Variants in TMEM181 observed in about 807,000 individuals in gnomAD.
The protein encoded by TMEM181 is G protein-coupled receptor 178.
A neutral mutation model predicts 71.9 loss-of-function variants in TMEM181; 39 were observed. That is an observed-to-expected ratio of 0.54 (90% CI 0.42 to 0.71). The LOEUF (loss-of-function observed/expected upper bound fraction) is 0.71, where lower values mean the gene tolerates loss of function less well. Among genes scored for constraint, TMEM181 ranks in the 30% least tolerant of loss-of-function variants. The pLI is 0.00. For synonymous variants in TMEM181, 245 were observed against 228.8 expected, an observed-to-expected ratio of 1.07 and a Z score of -0.64; for missense variants, 595 against 583.0, an observed-to-expected ratio of 1.02 and a Z score of -0.21.
chr6:158,627,077 A>ACACCCT (rs71030183), intron 13 of TMEM181, among the ~76,000 whole-genome samples: 10 of 143,340 alleles, frequency 7.0e-5, no homozygotes, highest in Admixed American at 7.0e-4. Flanking sequence ...CTTCACTGAC[A>ACACCCT]CACCCTCACC....
rs145958273 is a variant in TMEM181, at chr6:158,561,191, A to T, written c.8+959A>T. Among the ~76,000 whole-genome samples, 10 of 152,362 alleles carry T rather than the reference A, an allele frequency of 6.6e-5. No individual in the cohort carries two copies. In the East Asian group the frequency reaches 1.9e-3, roughly 29 times the overall value. The stretch of plus-strand genomic sequence containing the variant: ...TTTCTCTGGCTGTGGACGTGGTCAG[A>T]GAAGTGACACCCAGGCCTGTTGCCT... On this transcript the variant is annotated intron_variant, in intron 1 of 16. Transcript: ENST00000684151.
In TMEM181 at chr6:158,571,375, CGTG is replaced by C. The variant is rs1562627093; in HGVS notation, c.9-2044_9-2042del. Among the ~76,000 whole-genome samples the C allele has an allele frequency of 5.0e-4, 66 of 131,074 alleles. 8 individuals are homozygous for C. The highest frequency in any genetic ancestry group is 4.0e-3 in the Middle Eastern group (1 of 250). The allele number at this position is 131,074 out of a possible 152,430, so 86.0% of individuals were successfully genotyped here. On this transcript the variant is annotated intron_variant, in intron 1 of 16. Transcript: ENST00000684151. ...CCTCCCAAAGTGCTGGGATTATAGG[CGTG>C]ATCTGCCCGCCTTGGCCTTGTGATC...
chr6:158,602,899 A>G (rs1215523185), intron 6 of TMEM181, among the ~76,000 whole-genome samples: 2 of 152,116 alleles, frequency 1.3e-5, no homozygotes, highest in African/African-American at 4.8e-5. Context: ...CATACTTTGA[A>G]AATGTTGGTC....
Position 158,580,812 on chromosome 6 carries a change from C to T in TMEM181, c.113-128C>T. ...CTTCTACTTACACATTGTATAATCTCTAAAGAAAAACCAGGTGAATTAAGG... is the reference window on the plus strand; with the variant it reads ...CTTCTACTTACACATTGTATAATCTTTAAAGAAAAACCAGGTGAATTAAGG... On this transcript the variant is annotated intron_variant, in intron 2 of 16. Transcript: ENST00000684151. The T allele has an allele frequency of 5.3e-6, 4 of 757,044 alleles. No individual in the cohort carries two copies. In the East Asian group the frequency reaches 1.0e-4, roughly 19 times the overall value. The allele number at this position is 757,044 out of a possible 1,614,324, so 46.9% of individuals were successfully genotyped here.
intron 1 of TMEM181, among the ~76,000 whole-genome samples, chr6:158,570,288 A>G (rs959568767): frequency 6.8e-6 from 1 of 146,366 alleles, no homozygotes; most frequent in African/African-American, 2.6e-5. Context: ...GCTGGGGTGC[A>G]GTGGTGCAAT....
intron 1 of TMEM181, among the ~76,000 whole-genome samples, chr6:158,543,512 A>G (rs1781424645): frequency 6.6e-6 from 1 of 152,250 alleles, no homozygotes; most frequent in Non-Finnish European, 1.5e-5. Flanking sequence ...TTCTAAGGCC[A>G]GAAGTCCGAA....
chr6:158,539,221 C>G (rs1781249081), intron 1 of TMEM181, among the ~76,000 whole-genome samples: 1 of 152,186 alleles, frequency 6.6e-6, no homozygotes, highest in Non-Finnish European at 1.5e-5. Context: ...CTGCAGAGTA[C>G]TTTACAATAT....
intron 5 of TMEM181, among the ~76,000 whole-genome samples, chr6:158,586,968 T>C (rs1057451409): frequency 2.0e-5 from 3 of 151,884 alleles, no homozygotes; most frequent in Non-Finnish European, 4.4e-5. Context: ...CAGGTGTGAG[T>C]GTCAGACAGG....
At chr6:158,616,793 A>G (rs1785641152) in intron 10 of TMEM181, among the ~76,000 whole-genome samples, 1 of 152,142 alleles carries the variant, frequency 6.6e-6, no homozygotes, top group Non-Finnish European at 1.5e-5. Context: ...ACATTTATAG[A>G]TTTGTATATG....
chr6:158,607,329 T>G lies in TMEM181; in HGVS notation c.659T>G (p.Leu220Arg). 1 of 1,614,172 alleles carries G rather than the reference T, an allele frequency of 6.2e-7. No homozygotes were observed. The highest frequency in any genetic ancestry group is 2.2e-5 in the East Asian group (1 of 44,884). The change falls in exon 8 of 17, where the codon CTG (leucine) becomes CGG (arginine). Residue 220 changes from leucine (L) to arginine (R), a missense_variant. Coordinates refer to ENST00000684151, the MANE Select transcript of TMEM181 (RefSeq NM_001376852.1). ...TGGATGTCTGTTCTCCTGCCTCTGC[T>G]GCTACTTTACAATGGTGGGTAGTTC... ...QKWMSVLLPL[L>R]LLYNDPFFPL...
At chr6:158,614,968 A>G (rs894284045) in intron 10 of TMEM181, among the ~76,000 whole-genome samples, 13 of 152,216 alleles carry the variant, frequency 8.5e-5, no homozygotes, top group African/African-American at 2.7e-4. Flanking sequence ...GTGTCTTTAT[A>G]GTAGCATGAT....
At chr6:158,572,518 T>G (rs898859185) in intron 1 of TMEM181, 2 of 455,912 alleles carry the variant, frequency 4.4e-6, no homozygotes, top group Admixed American at 4.7e-5. Flanking sequence ...GCCACACCCC[T>G]TTTGTCGATG....
At chr6:158,573,989 C>G (rs1440797041) in intron 2 of TMEM181, among the ~76,000 whole-genome samples, 1 of 151,968 alleles carries the variant, frequency 6.6e-6, no homozygotes, top group African/African-American at 2.4e-5. Flanking sequence ...TAGGCCAATC[C>G]CCTTTCTCAT....
intron 7 of TMEM181, among the ~76,000 whole-genome samples, chr6:158,606,621 A>G (rs573401492): frequency 1.1e-4 from 16 of 152,264 alleles, no homozygotes; most frequent in Non-Finnish European, 1.6e-4. Context: ...TGGCCTAAAA[A>G]TTATGTTATA....
intron 6 of TMEM181, among the ~76,000 whole-genome samples, chr6:158,604,797 C>T (rs1028373623): frequency 1.4e-4 from 21 of 151,944 alleles, no homozygotes; most frequent in Admixed American, 8.5e-4. Context: ...ATATAAGATC[C>T]GAATGCTTTT....
chr6:158,571,354 C>T (rs762776271), intron 1 of TMEM181, among the ~76,000 whole-genome samples: 2 of 145,794 alleles, frequency 1.4e-5, no homozygotes, highest in Non-Finnish European at 3.0e-5. Context: ...CCTTGGCCTC[C>T]CAAAGTGCTG....
intron 10 of TMEM181, among the ~76,000 whole-genome samples, chr6:158,609,238 C>CA (rs917231535): frequency 1.6e-4 from 25 of 152,284 alleles, no homozygotes; most frequent in African/African-American, 5.8e-4. Flanking sequence ...CCCAGACCCC[C>CA]ATTAACTATC....
chr6:158,618,290 A>G (rs905025534), intron 10 of TMEM181, among the ~76,000 whole-genome samples: 3 of 150,024 alleles, frequency 2.0e-5, no homozygotes, highest in Admixed American at 2.0e-4. Context: ...ATCAGAGACT[A>G]GGATTGCAAC....
intron 6 of TMEM181, among the ~76,000 whole-genome samples, chr6:158,603,130 C>T (rs1227350857): frequency 1.3e-5 from 2 of 152,054 alleles, no homozygotes; most frequent in Non-Finnish European, 2.9e-5. Flanking sequence ...ACATTTTGGC[C>T]ATTATCTCTT....
Sources: allele counts gnomAD v4.1 joint callset (sites outside exome capture counted in the v4.1 genomes callset), GRCh38; gene constraint gnomAD v4.1.1; transcripts MANE v1.5; gene names NCBI Gene and HGNC (gene_info 2026-07-23, HGNC 2026-07-21).